The following SCML4 variants were observed in gnomAD, a reference collection of about 807,000 sequenced individuals.
The protein encoded by SCML4 is sex comb on midleg-like protein 4.
SCML4 carries 34 observed loss-of-function variants against 41.1 expected under a neutral mutation model. The ratio of observed to expected loss-of-function variants is 0.83; its 90% confidence interval spans 0.63 to 1.10. The LOEUF is 1.10. Ranked by LOEUF, SCML4 falls within the 50% of genes least tolerant of loss-of-function variation. SCML4 has a pLI of 0.00. For missense variants in SCML4, 522 were observed against 534.1 expected (o/e 0.98, Z 0.22); for synonymous variants, 214 against 220.9 (o/e 0.97, Z 0.28).
intron 1 of SCML4, among the ~76,000 whole-genome samples, chr6:107,787,271 T>C (rs979628456): frequency 2.0e-5 from 3 of 152,300 alleles, no homozygotes; most frequent in South Asian, 2.1e-4. Context: ...AACATAATTA[T>C]TTATTGCCTA....
At position 107,790,763 on chromosome 6, in the gene SCML4, C is replaced by A. The variant is rs74298451; in HGVS notation, c.-59-18377G>T. On this transcript the variant is annotated intron_variant, in intron 1 of 7. Coordinates refer to ENST00000369020, the MANE Select transcript of SCML4 (RefSeq NM_198081.5). ...ACACCTACTGCAGGAACCAACAAGT[C>A]CCACAAAGGTCAAAGCACCAAACAG... 9.2e-5 allele frequency among the ~76,000 whole-genome samples: 14 copies of A among 152,206 alleles called. No individual in the cohort carries two copies. In the East Asian group the frequency reaches 2.3e-3, roughly 25 times the overall value.
intron 1 of SCML4, among the ~76,000 whole-genome samples, chr6:107,821,909 G>T (rs755439437): frequency 2.6e-5 from 4 of 152,172 alleles, no homozygotes; most frequent in Non-Finnish European, 5.9e-5. Context: ...TGTGTGATGT[G>T]TCCTCAGGCC....
intron 1 of SCML4, among the ~76,000 whole-genome samples, chr6:107,794,304 C>T (rs1178237530): frequency 1.3e-5 from 2 of 152,292 alleles, no homozygotes; most frequent in East Asian, 1.9e-4. Flanking sequence ...TTGAACTGGG[C>T]TGGCCAAATA....
chr6:107,813,474 C>T (rs1260323524), intron 1 of SCML4, among the ~76,000 whole-genome samples: 3 of 145,088 alleles, frequency 2.1e-5, no homozygotes, highest in South Asian at 2.2e-4. Context: ...GCTGAAAACA[C>T]GCTTCAGATG....
upstream of SCML4, among the ~76,000 whole-genome samples, chr6:107,828,221 T>C (rs1309246119): frequency 6.6e-6 from 1 of 152,208 alleles, no homozygotes; most frequent in African/African-American, 2.4e-5. Flanking sequence ...TAATTAATCA[T>C]TCCACCTCAT....
At chr6:107,786,005 T>A (rs1781863979) in intron 1 of SCML4, among the ~76,000 whole-genome samples, 1 of 152,104 alleles carries the variant, frequency 6.6e-6, no homozygotes, top group Admixed American at 6.5e-5. Flanking sequence ...CTAGAGGACA[T>A]CTAGGACAGC....
chr6:107,778,224 T>A (rs7757474), intron 1 of SCML4, among the ~76,000 whole-genome samples: 1,792 of 6,136 alleles, frequency 0.29, 24 homozygotes, highest in Non-Finnish European at 0.4. Context: ...AAAAAAAAAA[T>A]ATATATATAT....
chr6:107,845,824 C>T, the SCML4 span, among the ~76,000 whole-genome samples: 1 of 152,220 alleles, frequency 6.6e-6, no homozygotes, highest in Non-Finnish European at 1.5e-5. Context: ...ATTTTTACCT[C>T]GTATCTTCCA....
At chr6:107,765,878 A>T (rs1365797789) in intron 2 of SCML4, among the ~76,000 whole-genome samples, 1 of 152,252 alleles carries the variant, frequency 6.6e-6, no homozygotes, top group East Asian at 1.9e-4. Context: ...TATAGATTTT[A>T]AAAAATGATG....
intron 5 of SCML4, among the ~76,000 whole-genome samples, chr6:107,738,017 C>T (rs1490532033): frequency 3.3e-5 from 5 of 152,184 alleles, no homozygotes; most frequent in African/African-American, 1.2e-4. Flanking sequence ...GTGGTTTCTG[C>T]ACATTAAAGT....
At chr6:107,814,553 G>T (rs537212884) in intron 1 of SCML4, among the ~76,000 whole-genome samples, 7 of 152,108 alleles carry the variant, frequency 4.6e-5, no homozygotes, top group South Asian at 2.1e-4. Flanking sequence ...ATGTTTTTTT[G>T]TTTGTTTGTT....
intron 1 of SCML4, among the ~76,000 whole-genome samples, chr6:107,819,447 GCA>G (rs1215539377): frequency 6.6e-6 from 1 of 152,132 alleles, no homozygotes; most frequent in Non-Finnish European, 1.5e-5. Flanking sequence ...ACCTTTCAAA[GCA>G]CAGTGTTGAC....
intron 3 of SCML4, among the ~76,000 whole-genome samples, chr6:107,747,293 T>G (rs1448302588): frequency 2.0e-5 from 3 of 152,230 alleles, no homozygotes; most frequent in Non-Finnish European, 4.4e-5. Flanking sequence ...TTGCCATTTC[T>G]TTGTTAACCG....
intron 1 of SCML4, among the ~76,000 whole-genome samples, chr6:107,793,570 A>G (rs965868250): frequency 6.6e-6 from 1 of 152,182 alleles, no homozygotes; most frequent in Non-Finnish European, 1.5e-5. Flanking sequence ...TCGCTTCTTT[A>G]TAAGGTGAGA....
At chr6:107,807,074 T>A (rs1387386285) in intron 1 of SCML4, among the ~76,000 whole-genome samples, 1 of 152,134 alleles carries the variant, frequency 6.6e-6, no homozygotes. Context: ...TTTTTTTTTT[T>A]TTTTGGCTTA....
intron 5 of SCML4, among the ~76,000 whole-genome samples, chr6:107,725,198 A>T (rs1428058914): frequency 1.3e-5 from 2 of 152,240 alleles, no homozygotes; most frequent in African/African-American, 4.8e-5. Flanking sequence ...AATAATTCAA[A>T]TGGTTCTACA....
intron 5 of SCML4, among the ~76,000 whole-genome samples, chr6:107,743,518 G>T (rs1777780771): frequency 6.6e-6 from 1 of 152,224 alleles, no homozygotes; most frequent in Non-Finnish European, 1.5e-5. Context: ...GAATATGTTT[G>T]TGAGTCAACT....
At chr6:107,731,233 C>G (rs1776511430) in intron 5 of SCML4, among the ~76,000 whole-genome samples, 3 of 152,302 alleles carry the variant, frequency 2.0e-5, no homozygotes, top group South Asian at 4.1e-4. Flanking sequence ...CAAGTGTCAG[C>G]TCTCCTCACT....
chr6:107,753,621 TA>T (rs1169827703), intron 2 of SCML4, among the ~76,000 whole-genome samples: 1 of 152,242 alleles, frequency 6.6e-6, no homozygotes, highest in East Asian at 1.9e-4. Context: ...GAAATAATGG[TA>T]AATTTTGTGT....
Sources: gnomAD v4.1 joint callset for allele counts (sites outside exome capture counted in the v4.1 genomes callset) on GRCh38, gnomAD v4.1.1 for gene constraint, MANE v1.5 for transcripts, NCBI Gene and HGNC (gene_info 2026-07-23, HGNC 2026-07-21) for gene names.